Variants in CIT observed in about 807,000 individuals in gnomAD.
The protein encoded by CIT is citron rho-interacting serine/threonine kinase.
Under a neutral mutation model 272.7 loss-of-function variants are expected in CIT, and 79 were observed. That is an observed-to-expected ratio of 0.29 (90% CI 0.24 to 0.35). The LOEUF is 0.35. Ranked by LOEUF, CIT falls within the 10% of genes least tolerant of loss-of-function variation. The pLI is 1.00. For missense variants in CIT, 1,909 were observed against 2,618.3 expected (o/e 0.73, Z 5.91); for synonymous variants, 948 against 995.6 (o/e 0.95, Z 0.90).
chr12:119,731,759 C>T (rs534097528), intron 26 of CIT, among the ~76,000 whole-genome samples: 14 of 150,862 alleles, frequency 9.3e-5, no homozygotes, highest in Non-Finnish European at 1.5e-4. Flanking sequence ...TTTCTCTTCT[C>T]AGGAGCAACC....
intron 32 of CIT, 126 bp from the exon 33 acceptor site, chr12:119,714,460 T>C (rs1957340424): frequency 2.1e-6 from 2 of 941,908 alleles, no homozygotes; most frequent in African/African-American, 3.3e-5. Flanking sequence ...GACTCATATC[T>C]AGAATACATA....
intron 32 of CIT, among the ~76,000 whole-genome samples, chr12:119,714,779 G>T (rs1252687646): frequency 6.6e-6 from 1 of 152,192 alleles, no homozygotes; most frequent in Non-Finnish European, 1.5e-5. Flanking sequence ...TGGTAGTTCT[G>T]TAAAAGGTTA....
rs3999547 is a variant in CIT at position 119,726,385 on chromosome 12, A to ATTTTTTTTTT, written c.3591+2107_3591+2116dup. ...AACTGCACACCACCACACTTGGCTA[A>ATTTTTTTTTT]TTTTTTTTTTTTTTTTTTTTTTTTT... On this transcript the variant is annotated intron_variant, in intron 28 of 47. Coordinates refer to ENST00000392521, the MANE Select transcript of CIT (RefSeq NM_001206999.2). Among the ~76,000 whole-genome samples the ATTTTTTTTTT allele has an allele frequency of 4.9e-5, 5 of 101,418 alleles. 1 individual carries two copies. The highest frequency in any genetic ancestry group is 5.7e-5 in the Non-Finnish European group (3 of 52,992). 66.5% of individuals were successfully genotyped at this position (101,418 alleles called of 152,430 possible). A position where few individuals can be genotyped will look rare whatever the true frequency, so the allele number is the denominator to read the frequency against.
rs1956149361 is a variant in CIT, at chr12:119,694,921, C to T, written c.5882+2738G>A. ...TGTTTCTCCATAAAAGCAACAAGAT[C>T]ACTGGCAGTTGTCAAAATCAACTTT... is the stretch of plus-strand genomic sequence containing the variant. On this transcript the variant is annotated intron_variant, in intron 46 of 47. Coordinates refer to ENST00000392521, the MANE Select transcript of CIT (RefSeq NM_001206999.2). This position sits in a 1 kb window ranked among gnomAD's most constrained non-coding sequence, Gnocchi z 4.5. 6.6e-6 allele frequency among the ~76,000 whole-genome samples: 1 copy of T among 152,190 alleles called. No homozygotes were observed. Among genetic ancestry groups the T allele is most frequent in the South Asian group, 2.1e-4 (1 of 4,828 alleles).
chr12:119,865,295 G>A (rs370574937), intron 3 of CIT, among the ~76,000 whole-genome samples: 4 of 152,294 alleles, frequency 2.6e-5, no homozygotes, highest in South Asian at 2.1e-4. Flanking sequence ...GGTGCCTGCA[G>A]ATGGCTCAGT....
chr12:119,868,308 T>G (rs1432809860), intron 3 of CIT, among the ~76,000 whole-genome samples: 1 of 152,230 alleles, frequency 6.6e-6, no homozygotes, highest in East Asian at 1.9e-4. Flanking sequence ...ATATTCATTT[T>G]TCCTATAATT....
Position 119,718,804 on chromosome 12 carries a change from A to G in CIT, c.3898T>C (p.Tyr1300His). 1 of 1,614,184 alleles carries G rather than the reference A, an allele frequency of 6.2e-7. No homozygotes were observed. The highest frequency in any genetic ancestry group is 8.5e-7 in the Non-Finnish European group (1 of 1,180,034). ...PALPTQVPLQ[Y>H]NELKLALEKE... ...TCCAGGGCCAGCTTCAGCTCATTGT[A>G]CTGCAGAGGAACCTGTGTGGGTAAA... is the stretch of plus-strand genomic sequence containing the variant. Residue 1300 changes from tyrosine to histidine, a missense_variant, in exon 31 of 48, where the codon TAC becomes CAC. This residue lies in a region of CIT where 780 missense variants were observed against 1,067.2 expected (regional missense o/e 0.73). Transcript: ENST00000392521. The surrounding 1 kb of genome is among the most constrained non-coding windows in gnomAD (Gnocchi z 4.8).
chr12:119,865,521 T>C (rs187217065), intron 3 of CIT, among the ~76,000 whole-genome samples: 220 of 152,338 alleles, frequency 1.4e-3, no homozygotes, highest in African/African-American at 4.8e-3. Context: ...CCAGGCAACA[T>C]GACAAATCTG....
intron 10 of CIT, among the ~76,000 whole-genome samples, chr12:119,794,299 T>TG (rs1965549401): frequency 2.0e-5 from 3 of 152,100 alleles, no homozygotes; most frequent in African/African-American, 7.2e-5. Context: ...AATGAATGAA[T>TG]AAATAAGTGA....
intron 30 of CIT, among the ~76,000 whole-genome samples, chr12:119,720,238 G>C (rs1454813675): frequency 6.6e-6 from 1 of 152,160 alleles, no homozygotes; most frequent in Non-Finnish European, 1.5e-5. Flanking sequence ...CTTTAACAAA[G>C]ATACTATGAT....
intron 10 of CIT, among the ~76,000 whole-genome samples, chr12:119,798,025 C>T (rs759061047): frequency 2.0e-5 from 3 of 152,136 alleles, no homozygotes; most frequent in Non-Finnish European, 4.4e-5. Flanking sequence ...CTTTGCCAAG[C>T]TTAAGCTTTA....
Position 119,718,999 on chromosome 12 carries a change from T to C in CIT, c.3841-138A>G. ...GTAAGTGTATTTAGTAAAAATGGCATGTGAAGGGGGGGAAGGGTAGGCTGA... is the reference window on the plus strand; with the variant it reads ...GTAAGTGTATTTAGTAAAAATGGCACGTGAAGGGGGGGAAGGGTAGGCTGA... On this transcript the variant is annotated intron_variant, in intron 30 of 47. Transcript: ENST00000392521. The surrounding 1 kb of genome is among the most constrained non-coding windows in gnomAD (Gnocchi z 4.8). The C allele has an allele frequency of 1.2e-6, 1 of 838,134 alleles. No individual in the cohort carries two copies. The highest frequency in any genetic ancestry group is 1.8e-6 in the Non-Finnish European group (1 of 543,708). The allele number at this position is 838,134 out of a possible 1,614,324, so 51.9% of individuals were successfully genotyped here.
intron 5 of CIT, among the ~76,000 whole-genome samples, chr12:119,847,285 G>C (rs1055476163): frequency 6.6e-6 from 1 of 152,090 alleles, no homozygotes; most frequent in East Asian, 1.9e-4. Flanking sequence ...CACCTGGCCC[G>C]AACTTCTTCT....
chr12:119,782,968 T>C lies in CIT; in HGVS notation c.1546-331A>G, dbSNP rs556265225. ...GACCCAGTAGCTATTACAGCCACCATGTGGATAGCTACAAAGTGTTTTCTA... is the reference window on the plus strand; with the variant it reads ...GACCCAGTAGCTATTACAGCCACCACGTGGATAGCTACAAAGTGTTTTCTA... On this transcript the variant is annotated intron_variant, in intron 12 of 47. Transcript: ENST00000392521. The C allele has an allele frequency of 4.4e-5, 8 of 183,750 alleles. No homozygotes were observed. The South Asian group carries it at 9.0e-4, about 21-fold the overall frequency. The allele number at this position is 183,750 out of a possible 1,614,324, so 11.4% of individuals were successfully genotyped here.
At position 119,784,493 on chromosome 12, in the gene CIT, G is replaced by A; in HGVS notation, c.1402-442C>T. The A allele has an allele frequency of 8.4e-7, 1 of 1,189,618 alleles. No individual in the cohort carries two copies. The highest frequency in any genetic ancestry group is 1.1e-6 in the Non-Finnish European group (1 of 946,238). The allele number at this position is 1,189,618 out of a possible 1,614,324, so 73.7% of individuals were successfully genotyped here. A position where few individuals can be genotyped will look rare whatever the true frequency, so the allele number is the denominator to read the frequency against. ...CTGCACTCTTAGGAGTCCCAGGCAA[G>A]CAGTGACTTATTAGTTTCCAGAGCG... is the stretch of plus-strand genomic sequence containing the variant. On this transcript the variant is annotated intron_variant, in intron 11 of 47. Transcript: ENST00000392521. This position sits in a 1 kb window ranked among gnomAD's most constrained non-coding sequence, Gnocchi z 4.7.
At chr12:119,802,160 C>T (rs1415918625) in intron 10 of CIT, among the ~76,000 whole-genome samples, 1 of 152,146 alleles carries the variant, frequency 6.6e-6, no homozygotes, top group Admixed American at 6.5e-5. Context: ...AAATTCTGCT[C>T]GTCTCCTAAG....
rs184190152 is a variant in CIT, at chr12:119,694,234, C to T, written c.5882+3425G>A. Reference sequence around the variant, plus strand: ...TCCACATCAGCCATCACCCATTCACCCACACTTTTCTAGGAATTTATCCTA... The same window carrying T: ...TCCACATCAGCCATCACCCATTCACTCACACTTTTCTAGGAATTTATCCTA... On this transcript the variant is annotated intron_variant, in intron 46 of 47. Transcript: ENST00000392521. This position sits in a 1 kb window ranked among gnomAD's most constrained non-coding sequence, Gnocchi z 4.5. Among the ~76,000 whole-genome samples, 355 of 152,238 alleles carry T rather than the reference C, an allele frequency of 2.3e-3. 4 individuals are homozygous for T. Among genetic ancestry groups the T allele is most frequent in the African/African-American group, 8.1e-3 (338 of 41,532 alleles).
At position 119,735,312 on chromosome 12, in the gene CIT, T is replaced by A; in HGVS notation, c.3004A>T (p.Asn1002Tyr). The A allele has an allele frequency of 6.2e-7, 1 of 1,614,246 alleles. No individual in the cohort carries two copies. The highest frequency in any genetic ancestry group is 8.5e-7 in the Non-Finnish European group (1 of 1,180,048). ...AAGTTTTGGTTGTTGAGTTCAGCGT[T>A]GTCCTCGGTCAGCTGGTTTAGCTGC... ...EEQLNQLTEDNAELNNQNFYL... is the reference protein window; with the variant it reads ...EEQLNQLTEDYAELNNQNFYL... Residue 1002 changes from asparagine (N) to tyrosine (Y), a missense_variant, in exon 25 of 48, where the codon AAC (asparagine) becomes TAC (tyrosine). Asn to Tyr is a moderately radical substitution (Grantham distance 143, BLOSUM62 -2). This residue lies in a region of CIT where 530 missense variants were observed against 822.4 expected (regional missense o/e 0.64). Transcript: ENST00000392521.
intron 2 of CIT, among the ~76,000 whole-genome samples, chr12:119,875,005 AT>A (rs1378037212): frequency 3.3e-5 from 5 of 152,204 alleles, no homozygotes; most frequent in Non-Finnish European, 7.3e-5. Flanking sequence ...TCTTTCTTCA[AT>A]AAAAGGACAA....
Sources: allele counts gnomAD v4.1 joint callset (sites outside exome capture counted in the v4.1 genomes callset), GRCh38; gene constraint gnomAD v4.1.1; regional missense constraint gnomAD v4.1.1; non-coding constraint Gnocchi (gnomAD v3.1); transcripts MANE v1.5; gene names NCBI Gene and HGNC (gene_info 2026-07-23, HGNC 2026-07-21).